Variants in PDPK1 observed in about 807,000 individuals in gnomAD.
PDPK1 encodes 3-phosphoinositide dependent protein kinase 1, also known as 3-phosphoinositide-dependent protein kinase 1.
A neutral mutation model predicts 39.8 loss-of-function variants in PDPK1; 7 were observed. The observed-to-expected ratio is 0.18, with a 90% CI of 0.10 to 0.33. The LOEUF is 0.33. Ranked by LOEUF, PDPK1 falls within the 10% of genes least tolerant of loss-of-function variation. The pLI is 1.00. For missense variants in PDPK1, 182 were observed against 384.7 expected, an observed-to-expected ratio of 0.47 and a Z score of 4.41; for synonymous variants, 118 against 159.1, an observed-to-expected ratio of 0.74 and a Z score of 1.95.
intron 1 of PDPK1, among the ~76,000 whole-genome samples, chr16:2,543,543 C>T (rs1262901323): frequency 5.7e-5 from 8 of 139,810 alleles, no homozygotes; most frequent in African/African-American, 8.3e-5. Flanking sequence ...CTCGGATGCC[C>T]GGCCACGGCC....
intron 6 of PDPK1, chr16:2,576,831 G>A: frequency 5.1e-6 from 1 of 195,294 alleles, no homozygotes; most frequent in South Asian, 9.0e-5. Flanking sequence ...CAGAGGCTGG[G>A]AGGTTCTCTC....
At chr16:2,546,164 A>G (rs1201879283) in intron 1 of PDPK1, among the ~76,000 whole-genome samples, 1 of 151,676 alleles carries the variant, frequency 6.6e-6, no homozygotes, top group East Asian at 1.9e-4. Flanking sequence ...GCTCACTGCA[A>G]CCTCTGCCAC....
intron 1 of PDPK1, among the ~76,000 whole-genome samples, chr16:2,546,836 C>A (rs1197671756): frequency 6.6e-6 from 1 of 151,914 alleles, no homozygotes; most frequent in East Asian, 1.9e-4. Flanking sequence ...CAGCTATATC[C>A]GCAGGATGGT....
chr16:2,557,788 CG>C lies in PDPK1; in HGVS notation c.111del (p.Pro39LeufsTer81). 8.2e-7 allele frequency: 1 copy of C among 1,214,272 alleles called. No individual in the cohort carries two copies. Among genetic ancestry groups the C allele is most frequent in the Non-Finnish European group, 1.2e-6 (1 of 839,834 alleles). 75.2% of individuals were successfully genotyped at this position (1,214,272 alleles called of 1,614,324 possible). ...GTGAGGACCCAGACTGAGTCCAGCA[CG>C]CCCCCTGGCATTCCTGGTGGCAGCA... Reference protein sequence around the residue: ...SMVRTQTESSTPPGIPGGSRQ... With the variant: ...SMVRTQTESSXPPGIPGGSRQ... On this transcript the variant is annotated frameshift_variant, in exon 2 of 14. Transcript: ENST00000342085. LOFTEE classifies it high-confidence loss of function.
chr16:2,591,695 C>A (rs1468294923), intron 11 of PDPK1, among the ~76,000 whole-genome samples: 2 of 152,210 alleles, frequency 1.3e-5, no homozygotes, highest in Non-Finnish European at 2.9e-5. Context: ...GATGCGGGGA[C>A]CCAGCACTCT....
At chr16:2,592,404 A>C in intron 11 of PDPK1, 1 of 272,338 alleles carries the variant, frequency 3.7e-6, no homozygotes, top group South Asian at 3.4e-5. Flanking sequence ...GCTCTTGCCC[A>C]GCCTCCCAGG....
At chr16:2,560,470 G>A (rs1413062696) in intron 2 of PDPK1, among the ~76,000 whole-genome samples, 17 of 147,226 alleles carry the variant, frequency 1.2e-4, no homozygotes, top group African/African-American at 3.2e-4. Flanking sequence ...GCCACAAGGC[G>A]TCTCACATGG....
chr16:2,546,837 G>C (rs57541680), intron 1 of PDPK1, among the ~76,000 whole-genome samples: 5,963 of 140,454 alleles, frequency 0.042, 350 homozygotes, highest in African/African-American at 0.14. Flanking sequence ...AGCTATATCC[G>C]CAGGATGGTT....
intron 11 of PDPK1, among the ~76,000 whole-genome samples, chr16:2,592,294 G>A (rs113391557): frequency 0.024 from 3,710 of 152,188 alleles, 143 homozygotes; most frequent in African/African-American, 0.082. Context: ...GAGAGGTGTC[G>A]CCTGTTTTGA....
chr16:2,545,811 A>T (rs1223038074), intron 1 of PDPK1, among the ~76,000 whole-genome samples: 6 of 152,032 alleles, frequency 3.9e-5, no homozygotes, highest in Non-Finnish European at 7.4e-5. Flanking sequence ...TATAATTTTT[A>T]AAATTTTTTG....
chr16:2,603,128 C>G lies in PDPK1; in HGVS notation c.*5361C>G, dbSNP rs1473545728. 1 of 223,718 alleles carries G rather than the reference C, an allele frequency of 4.5e-6. No homozygotes were observed. The highest frequency in any genetic ancestry group is 8.9e-6 in the Non-Finnish European group (1 of 112,510). 13.9% of individuals were successfully genotyped at this position (223,718 alleles called of 1,614,324 possible). ...AATACTTGTGCTTTAGGTGTAGTTA[C>G]CAGATGATGAATTTTCCTCGTATGG... On this transcript the variant is annotated 3_prime_UTR_variant, in exon 14 of 14. Coordinates refer to ENST00000342085, the MANE Select transcript of PDPK1 (RefSeq NM_002613.5).
chr16:2,598,493 C>T lies in PDPK1; in HGVS notation c.*726C>T. ...GGGTGCCATCGAGGGCTCCGGATCC[C>T]TTATCCTACTTAGCAGTGTTGGTCT... On this transcript the variant is annotated 3_prime_UTR_variant, in exon 14 of 14. Transcript: ENST00000342085. 1 of 233,686 alleles carries T rather than the reference C, an allele frequency of 4.3e-6. No homozygotes were observed. Among genetic ancestry groups the T allele is most frequent in the African/African-American group, 2.2e-5 (1 of 45,472 alleles). The allele number at this position is 233,686 out of a possible 1,614,324, so 14.5% of individuals were successfully genotyped here.
chr16:2,539,294 G>T (rs946601958), intron 1 of PDPK1: 1 of 154,368 alleles, frequency 6.5e-6, no homozygotes, highest in Non-Finnish European at 1.4e-5. Context: ...TGGCCAGGCT[G>T]GTCTGGAACT....
intron 11 of PDPK1, among the ~76,000 whole-genome samples, chr16:2,588,852 G>A (rs2066930842): frequency 6.6e-6 from 1 of 152,158 alleles, no homozygotes; most frequent in African/African-American, 2.4e-5. Context: ...CCTTTTTGCT[G>A]TCATTCTCTG....
rs1423710358 is a variant in PDPK1, at chr16:2,600,303, CCA to C, written c.*2541_*2542del. On this transcript the variant is annotated 3_prime_UTR_variant, in exon 14 of 14. Transcript: ENST00000342085. ...AATAGACTTGGGGCCATGTGCCTCCCCACACATGGGCAAGGACAGGTGGAATG... is the reference window on the plus strand; with the variant it reads ...AATAGACTTGGGGCCATGTGCCTCCCCACATGGGCAAGGACAGGTGGAATG... 4.3e-6 allele frequency: 1 copy of C among 233,276 alleles called. No individual in the cohort carries two copies. The highest frequency in any genetic ancestry group is 2.2e-5 in the African/African-American group (1 of 45,350). The allele number at this position is 233,276 out of a possible 1,614,324, so 14.5% of individuals were successfully genotyped here. A position where few individuals can be genotyped will look rare whatever the true frequency, so the allele number is the denominator to read the frequency against.
intron 1 of PDPK1, among the ~76,000 whole-genome samples, chr16:2,540,948 T>A (rs1347450953): frequency 6.6e-6 from 1 of 152,164 alleles, no homozygotes. Context: ...GCAGGGAGCA[T>A]GGAGAGAAGT....
In PDPK1 at chr16:2,597,384, C is replaced by G. The variant is rs900601956; in HGVS notation, c.1554+109C>G. The G allele has an allele frequency of 3.0e-6, 3 of 999,064 alleles. No individual in the cohort carries two copies. The highest frequency in any genetic ancestry group is 4.5e-6 in the Non-Finnish European group (3 of 667,312). 61.9% of individuals were successfully genotyped at this position (999,064 alleles called of 1,614,324 possible). A position where few individuals can be genotyped will look rare whatever the true frequency, so the allele number is the denominator to read the frequency against. On this transcript the variant is annotated intron_variant, in intron 13 of 13. Coordinates refer to ENST00000342085, the MANE Select transcript of PDPK1 (RefSeq NM_002613.5). This position sits in a 1 kb window ranked among gnomAD's most constrained non-coding sequence, Gnocchi z 6.3. ...GAGGGAGCAGCGGGGATCGGGGCAG[C>G]TGCCTCGCCCTTTCCGACATCCCAG...
rs1428463866 is a variant in PDPK1 at position 2,597,486 on chromosome 16, G to A, written c.1555-165G>A. On this transcript the variant is annotated intron_variant, in intron 13 of 13. Coordinates refer to ENST00000342085, the MANE Select transcript of PDPK1 (RefSeq NM_002613.5). This position sits in a 1 kb window ranked among gnomAD's most constrained non-coding sequence, Gnocchi z 6.3. ...GTTTTTCAGTTTGGTGGTGACTGGG[G>A]GTGGTGGTCATCAGCCTGTGTAGTT... Among the ~76,000 whole-genome samples, 1 of 152,206 alleles carries A rather than the reference G, an allele frequency of 6.6e-6. No homozygotes were observed. The highest frequency in any genetic ancestry group is 1.5e-5 in the Non-Finnish European group (1 of 68,040).
chr16:2,593,922 G>A lies in PDPK1; in HGVS notation c.1344-1871G>A, dbSNP rs905691103. ...TTCTCTTTGTTTTAATACCCACATT[G>A]TGTGTGTTTGCAGGCGAAGTCCCTG... is the stretch of plus-strand genomic sequence containing the variant. On this transcript the variant is annotated intron_variant, in intron 11 of 13. Coordinates refer to ENST00000342085, the MANE Select transcript of PDPK1 (RefSeq NM_002613.5). This position sits in a 1 kb window ranked among gnomAD's most constrained non-coding sequence, Gnocchi z 4.2. 1 of 152,302 alleles carries A rather than the reference G, an allele frequency of 6.6e-6. No individual in the cohort carries two copies. Among genetic ancestry groups the A allele is most frequent in the Non-Finnish European group, 1.5e-5 (1 of 68,092 alleles). The allele number at this position is 152,302 out of a possible 1,614,324, so 9.4% of individuals were successfully genotyped here.
Sources: allele counts gnomAD v4.1 joint callset (sites outside exome capture counted in the v4.1 genomes callset), GRCh38; gene constraint gnomAD v4.1.1; non-coding constraint Gnocchi (gnomAD v3.1); transcripts MANE v1.5; gene names NCBI Gene and HGNC (gene_info 2026-07-23, HGNC 2026-07-21).